Variants in PTPRM observed in about 807,000 individuals in gnomAD.
PTPRM encodes receptor-type tyrosine-protein phosphatase mu.
In PTPRM, 47 loss-of-function variants were observed where a neutral mutation model predicts 186.7. The observed-to-expected ratio is 0.25, with a 90% CI of 0.20 to 0.32. PTPRM has a LOEUF of 0.32. Among genes scored for constraint, PTPRM ranks in the 10% least tolerant of loss-of-function variants. The pLI is 1.00. For synonymous variants in PTPRM, 668 were observed against 674.9 expected (o/e 0.99, Z 0.16); for missense variants, 1,494 against 1,865.0 (o/e 0.80, Z 3.66).
chr18:7,825,941 C>A (rs1347593483), intron 2 of PTPRM, among the ~76,000 whole-genome samples: 1 of 152,172 alleles, frequency 6.6e-6, no homozygotes, highest in Non-Finnish European at 1.5e-5. Context: ...TATATTAACT[C>A]ATTTAATCCT....
chr18:7,574,994 T>C (rs989324517), intron 1 of PTPRM, among the ~76,000 whole-genome samples: 1 of 152,194 alleles, frequency 6.6e-6, no homozygotes, highest in African/African-American at 2.4e-5. Context: ...ATCGCGCCAC[T>C]GCACTCCAGT....
chr18:8,275,858 A>G (rs887517777), intron 19 of PTPRM, among the ~76,000 whole-genome samples: 1 of 152,162 alleles, frequency 6.6e-6, no homozygotes, highest in African/African-American at 2.4e-5. Context: ...TTCCTGAGTC[A>G]TGTTGAAACA....
chr18:7,817,907 C>A (rs2044935892), intron 2 of PTPRM, among the ~76,000 whole-genome samples: 1 of 152,132 alleles, frequency 6.6e-6, no homozygotes, highest in African/African-American at 2.4e-5. Context: ...ACAGACCTCT[C>A]TATTTGAGCT....
intron 19 of PTPRM, among the ~76,000 whole-genome samples, chr18:8,262,187 C>T (rs1217166484): frequency 6.6e-6 from 1 of 152,192 alleles, no homozygotes; most frequent in African/African-American, 2.4e-5. Flanking sequence ...CCCTCTCTCC[C>T]CTCCCCTAGG....
At chr18:8,355,443 G>A (rs115019151) in intron 23 of PTPRM, among the ~76,000 whole-genome samples, 319 of 152,268 alleles carry the variant, frequency 2.1e-3, no homozygotes, top group African/African-American at 6.9e-3. Context: ...TATGAACCAG[G>A]GGAGATAGGG....
At chr18:8,027,686 A>C (rs2085655255) in intron 7 of PTPRM, among the ~76,000 whole-genome samples, 1 of 152,236 alleles carries the variant, frequency 6.6e-6, no homozygotes, top group Non-Finnish European at 1.5e-5. Context: ...ATTTTAAGAG[A>C]AGAGCATAAT....
chr18:7,890,760 C>T (rs1193977234), intron 3 of PTPRM, among the ~76,000 whole-genome samples: 1 of 151,948 alleles, frequency 6.6e-6, no homozygotes, highest in Non-Finnish European at 1.5e-5. Flanking sequence ...AAATCAGAAA[C>T]AGTATTTTTC....
intron 14 of PTPRM, among the ~76,000 whole-genome samples, chr18:8,216,287 T>C: frequency 6.6e-6 from 1 of 152,280 alleles, no homozygotes. Flanking sequence ...TTCAAATATG[T>C]GGGGGTATAC....
At chr18:8,117,259 A>C (rs897895222) in intron 13 of PTPRM, among the ~76,000 whole-genome samples, 2 of 152,220 alleles carry the variant, frequency 1.3e-5, no homozygotes, top group Non-Finnish European at 2.9e-5. Flanking sequence ...AAAATGTAGA[A>C]GAGTTCAAAC....
At chr18:7,622,628 T>C (rs933158953) in intron 1 of PTPRM, among the ~76,000 whole-genome samples, 93 of 152,152 alleles carry the variant, frequency 6.1e-4, no homozygotes, top group African/African-American at 2.0e-3. Context: ...GTCAGGGTGG[T>C]TACAGAATGG....
chr18:8,029,594 T>A (rs1192809787), intron 7 of PTPRM, among the ~76,000 whole-genome samples: 1 of 152,176 alleles, frequency 6.6e-6, no homozygotes, highest in Non-Finnish European at 1.5e-5. Context: ...ATTCCTTCCT[T>A]CCCTCTGTGT....
chr18:7,698,444 A>G (rs2039889718), intron 1 of PTPRM, among the ~76,000 whole-genome samples: 1 of 152,224 alleles, frequency 6.6e-6, no homozygotes, highest in African/African-American at 2.4e-5. Context: ...TCATTACTTT[A>G]TCAATCCAGC....
intron 1 of PTPRM, among the ~76,000 whole-genome samples, chr18:7,643,658 A>G (rs945732540): frequency 6.6e-6 from 1 of 151,996 alleles, no homozygotes; most frequent in Non-Finnish European, 1.5e-5. Context: ...TTTATTTTTT[A>G]TGTGAATTTC....
At chr18:8,297,421 A>G (rs2147887826) in intron 20 of PTPRM, among the ~76,000 whole-genome samples, 2 of 152,288 alleles carry the variant, frequency 1.3e-5, no homozygotes, top group East Asian at 3.9e-4. Flanking sequence ...GTGTGACAGT[A>G]CAGATTGTCT....
intron 22 of PTPRM, among the ~76,000 whole-genome samples, chr18:8,328,132 G>A (rs1309711366): frequency 2.0e-5 from 3 of 152,068 alleles, no homozygotes; most frequent in Non-Finnish European, 4.4e-5. Flanking sequence ...GGTTTAATAA[G>A]GATTTTTCAA....
chr18:8,003,682 T>C (rs925067854), intron 7 of PTPRM, among the ~76,000 whole-genome samples: 9 of 152,246 alleles, frequency 5.9e-5, no homozygotes, highest in African/African-American at 2.2e-4. Context: ...TTCTGGGAGT[T>C]AATTACATTA....
At chr18:7,996,844 T>C (rs966235049) in intron 7 of PTPRM, among the ~76,000 whole-genome samples, 1 of 148,780 alleles carries the variant, frequency 6.7e-6, no homozygotes, top group African/African-American at 2.5e-5. Context: ...TAAATGAAAG[T>C]TTTCTACAGT....
chr18:8,350,490 T>C (rs182378265), intron 23 of PTPRM, among the ~76,000 whole-genome samples: 45 of 152,340 alleles, frequency 3.0e-4, no homozygotes, highest in Admixed American at 1.7e-3. Flanking sequence ...CAGTCCATGC[T>C]GGAGACTCTT....
intron 13 of PTPRM, among the ~76,000 whole-genome samples, chr18:8,131,594 CCTTT>C (rs1207180994): frequency 4.6e-5 from 7 of 152,096 alleles, no homozygotes; most frequent in Non-Finnish European, 7.4e-5. Flanking sequence ...GATGAGGATG[CCTTT>C]CTTTGTGTTT....
Sources: allele counts gnomAD v4.1 joint callset (sites outside exome capture counted in the v4.1 genomes callset), GRCh38; gene constraint gnomAD v4.1.1; transcripts MANE v1.5; gene names NCBI Gene and HGNC (gene_info 2026-07-23, HGNC 2026-07-21).